ASIC2: variants seen among roughly 807,000 people sequenced by gnomAD.
The protein encoded by ASIC2 is acid sensing ion channel subunit 2.
In ASIC2, 25 loss-of-function variants were observed where a neutral mutation model predicts 57.3. The ratio of observed to expected loss-of-function variants is 0.44; its 90% confidence interval spans 0.32 to 0.61. The LOEUF (loss-of-function observed/expected upper bound fraction) is 0.61, where lower values mean the gene tolerates loss of function less well. Ranked by LOEUF, ASIC2 falls within the 20% of genes least tolerant of loss-of-function variation. ASIC2 has a pLI of 0.06. For missense variants in ASIC2, 641 were observed against 738.1 expected, an observed-to-expected ratio of 0.87 and a Z score of 1.52; for synonymous variants, 319 against 307.5, an observed-to-expected ratio of 1.04 and a Z score of -0.39.
At chr17:33,153,908 C>A (rs1412168169) in intron 1 of ASIC2, among the ~76,000 whole-genome samples, 2 of 152,218 alleles carry the variant, frequency 1.3e-5, no homozygotes, top group African/African-American at 4.8e-5. Context: ...GAGATCCGAG[C>A]TCCTGCGGGT....
At chr17:33,126,856 CTTTT>C (rs1159710708) in intron 1 of ASIC2, among the ~76,000 whole-genome samples, 1 of 85,326 alleles carries the variant, frequency 1.2e-5, no homozygotes, top group Non-Finnish European at 2.1e-5. Flanking sequence ...TACCATTACT[CTTTT>C]TTTTTTTTTT....
chr17:33,370,020 G>A lies in ASIC2; in HGVS notation c.556-257953C>T, dbSNP rs570568394. On this transcript the variant is annotated intron_variant, in intron 1 of 9. Coordinates refer to the ASIC2 transcript ENST00000359872. ...GATTCCTAAGACTGAGGTCCTCGGGGCATGCAGGGCCAGAGATGATGCAAC... is the reference window on the plus strand; with the variant it reads ...GATTCCTAAGACTGAGGTCCTCGGGACATGCAGGGCCAGAGATGATGCAAC... 7.2e-4 allele frequency among the ~76,000 whole-genome samples: 110 copies of A among 152,294 alleles called. 1 individual carries two copies. Among genetic ancestry groups the A allele is most frequent in the Non-Finnish European group, 1.1e-3 (73 of 68,034 alleles).
At chr17:33,929,393 T>A (rs1008797558) in intron 1 of ASIC2, among the ~76,000 whole-genome samples, 1 of 152,190 alleles carries the variant, frequency 6.6e-6, no homozygotes, top group Non-Finnish European at 1.5e-5. Flanking sequence ...CCTGGGCTCA[T>A]TTACATTTCA....
intron 1 of ASIC2, among the ~76,000 whole-genome samples, chr17:33,630,504 T>C (rs1263099849): frequency 6.6e-6 from 1 of 152,174 alleles, no homozygotes; most frequent in Non-Finnish European, 1.5e-5. Flanking sequence ...GTCTGACTTG[T>C]ACCCCCTAGT....
chr17:33,204,295 G>A (rs1418183237), intron 1 of ASIC2, among the ~76,000 whole-genome samples: 1 of 152,142 alleles, frequency 6.6e-6, no homozygotes, highest in African/African-American at 2.4e-5. Flanking sequence ...TGGTCACTAC[G>A]TTCTTGTTAC....
rs983414500 is a variant in ASIC2, at chr17:33,523,440, G to C, written c.556-411373C>G. On this transcript the variant is annotated intron_variant, in intron 1 of 9. Transcript: ENST00000359872. ...TCCAGCTAATTGTTTTGTATTTATAGTAGAGATGGAGTTTCACCATATTGC... is the reference window on the plus strand; with the variant it reads ...TCCAGCTAATTGTTTTGTATTTATACTAGAGATGGAGTTTCACCATATTGC... Among the ~76,000 whole-genome samples the C allele has an allele frequency of 2.0e-5, 3 of 152,112 alleles. No individual in the cohort carries two copies. The South Asian group carries it at 6.2e-4, about 32-fold the overall frequency.
chr17:34,142,264 C>T (rs1310182154), intron 1 of ASIC2, among the ~76,000 whole-genome samples: 2 of 152,128 alleles, frequency 1.3e-5, no homozygotes, highest in Non-Finnish European at 2.9e-5. Flanking sequence ...CCAAGAGAGG[C>T]CCCTCAACTG....
At chr17:33,309,694 C>T (rs1408509353) in intron 1 of ASIC2, among the ~76,000 whole-genome samples, 2 of 151,964 alleles carry the variant, frequency 1.3e-5, no homozygotes, top group African/African-American at 4.8e-5. Flanking sequence ...AGTACATCCC[C>T]GTGTCCATCC....
chr17:34,153,788 C>T (rs1238994546), intron 1 of ASIC2, among the ~76,000 whole-genome samples: 3 of 152,220 alleles, frequency 2.0e-5, no homozygotes, highest in Admixed American at 2.0e-4. Context: ...ATAGATTACT[C>T]TTGAACTTGC....
chr17:33,946,138 T>C (rs1042874739), intron 1 of ASIC2, among the ~76,000 whole-genome samples: 1 of 152,204 alleles, frequency 6.6e-6, no homozygotes, highest in Admixed American at 6.5e-5. Flanking sequence ...TTGATCTCCA[T>C]GTCACAGTCA....
At chr17:34,060,160 C>T (rs1387489992) in intron 1 of ASIC2, among the ~76,000 whole-genome samples, 1 of 152,226 alleles carries the variant, frequency 6.6e-6, no homozygotes, top group East Asian at 1.9e-4. Flanking sequence ...AGATGGTTCA[C>T]ATCACAGGAC....
At chr17:34,143,600 C>A (rs1292733420) in intron 1 of ASIC2, among the ~76,000 whole-genome samples, 1 of 152,152 alleles carries the variant, frequency 6.6e-6, no homozygotes, top group Non-Finnish European at 1.5e-5. Flanking sequence ...TCTCAGCAGA[C>A]CTTTTCTTTT....
At chr17:33,408,003 C>A (rs568655165) in intron 1 of ASIC2, among the ~76,000 whole-genome samples, 1 of 151,780 alleles carries the variant, frequency 6.6e-6, no homozygotes, top group African/African-American at 2.4e-5. Flanking sequence ...TTGGGGCCAC[C>A]AAGACCACAC....
chr17:33,541,251 G>A (rs1915400631), intron 1 of ASIC2: 1 of 151,854 alleles, frequency 6.6e-6, no homozygotes, highest in Admixed American at 6.6e-5. Flanking sequence ...ATTTGACTGA[G>A]TCTCTCTCTC....
intron 1 of ASIC2, among the ~76,000 whole-genome samples, chr17:33,769,797 T>C (rs1376474159): frequency 6.6e-6 from 1 of 152,240 alleles, no homozygotes; most frequent in Admixed American, 6.5e-5. Context: ...GCAGGCCTCG[T>C]GTCTAGTGAG....
Position 33,940,872 on chromosome 17 carries a change from C to T in ASIC2, c.555+215106G>A, listed in dbSNP as rs115513126. Among the ~76,000 whole-genome samples, 1,277 of 152,322 alleles carry T rather than the reference C, an allele frequency of 8.4e-3. 13 individuals are homozygous for T. The highest frequency in any genetic ancestry group is 0.03 in the African/African-American group (1,238 of 41,574). ...TGCACTGTAGGGCATATGACCGCCC[C>T]GTGGCCTGCTCCCTAGAAAACAGAA... is the stretch of plus-strand genomic sequence containing the variant. On this transcript the variant is annotated intron_variant, in intron 1 of 9. Transcript: ENST00000359872.
At chr17:33,536,019 C>G (rs1915216802) in intron 1 of ASIC2, among the ~76,000 whole-genome samples, 2 of 152,198 alleles carry the variant, frequency 1.3e-5, no homozygotes, top group Non-Finnish European at 2.9e-5. Flanking sequence ...CACTGCTGCA[C>G]CACAAAGTGG....
chr17:33,191,448 T>A (rs563521325), intron 1 of ASIC2, among the ~76,000 whole-genome samples: 2 of 152,170 alleles, frequency 1.3e-5, no homozygotes, highest in African/African-American at 2.4e-5. Context: ...TCACAACTCA[T>A]CAGATTAAAC....
At chr17:33,579,578 T>TA (rs1431920411) in intron 1 of ASIC2, among the ~76,000 whole-genome samples, 1 of 151,936 alleles carries the variant, frequency 6.6e-6, no homozygotes, top group African/African-American at 2.4e-5. Context: ...TGGTGAGTGT[T>TA]ACAGCTCTTA....
Sources: allele counts gnomAD v4.1 joint callset (sites outside exome capture counted in the v4.1 genomes callset), GRCh38; gene constraint gnomAD v4.1.1; transcripts MANE v1.5; gene names NCBI Gene and HGNC (gene_info 2026-07-23, HGNC 2026-07-21).